SLC1A1: variants seen among roughly 807,000 people sequenced by gnomAD.
SLC1A1 encodes the protein excitatory amino acid transporter 3.
A neutral mutation model predicts 53.3 loss-of-function variants in SLC1A1; 43 were observed. That is an observed-to-expected ratio of 0.81 (90% CI 0.63 to 1.04). SLC1A1 has a LOEUF of 1.04. Among genes scored for constraint, SLC1A1 ranks in the 50% least tolerant of loss-of-function variants. The pLI is 0.00. For synonymous variants in SLC1A1, 307 were observed against 243.2 expected (o/e 1.26, Z -2.44); for missense variants, 748 against 664.9 (o/e 1.12, Z -1.37).
chr9:4,523,427 G>A (rs1214243617), intron 1 of SLC1A1, among the ~76,000 whole-genome samples: 1 of 151,626 alleles, frequency 6.6e-6, no homozygotes, highest in Non-Finnish European at 1.5e-5. Flanking sequence ...ATATCAAGTG[G>A]TATAAATATT....
Position 4,544,640 on chromosome 9 carries a change from T to G in SLC1A1, c.165T>G (p.Pro55=). The G allele has an allele frequency of 6.2e-7, 1 of 1,613,654 alleles. No individual in the cohort carries two copies. Residue 55 remains proline (P), a synonymous_variant, in exon 2 of 12, where the codon CCT becomes CCG. Coordinates refer to ENST00000262352, the MANE Select transcript of SLC1A1 (RefSeq NM_004170.6). ...TAGAGAAATTCTACTTTGCTTTTCC[T>G]GGAGAAATTCTAATGCGGATGCTGA... ...STLEKFYFAF[P]GEILMRMLKL... is the part of the protein sequence containing the mutation.
At chr9:4,500,500 G>A (rs946829713) in intron 1 of SLC1A1, among the ~76,000 whole-genome samples, 5 of 152,092 alleles carry the variant, frequency 3.3e-5, no homozygotes, top group African/African-American at 1.2e-4. Context: ...TAGTAGAGAC[G>A]GGGTTTCACC....
intron 1 of SLC1A1, among the ~76,000 whole-genome samples, chr9:4,529,942 C>T (rs138372664): frequency 6.6e-6 from 1 of 152,116 alleles, no homozygotes; most frequent in Non-Finnish European, 1.5e-5. Flanking sequence ...TTGAATGCTA[C>T]CAGGTGATAA....
intron 1 of SLC1A1, among the ~76,000 whole-genome samples, chr9:4,511,767 G>C (rs1009033562): frequency 1.3e-5 from 2 of 152,094 alleles, no homozygotes; most frequent in African/African-American, 2.4e-5. Context: ...ATTTTGAAAA[G>C]AAAGAAACAA....
At position 4,557,974 on chromosome 9, in the gene SLC1A1, C is replaced by T. The variant is rs117625409; in HGVS notation, c.233-3475C>T. 2.4e-4 allele frequency among the ~76,000 whole-genome samples: 37 copies of T among 152,184 alleles called. No individual in the cohort carries two copies. The East Asian group carries it at 3.5e-3, about 14-fold the overall frequency. On this transcript the variant is annotated intron_variant, in intron 2 of 11. Coordinates refer to ENST00000262352, the MANE Select transcript of SLC1A1 (RefSeq NM_004170.6). ...TCTGTAAAATGGGGGTAATAATGCC[C>T]GCCTCCTTGGGTTGTAATGAGAATT...
chr9:4,544,781 T>A, intron 2 of SLC1A1, 74 bp downstream of exon 2: 1 of 1,247,146 alleles, frequency 8.0e-7, no homozygotes, highest in Non-Finnish European at 1.2e-6. Context: ...TGAGACTAGG[T>A]AATTTATAAA....
At chr9:4,518,805 AAAG>A (rs1440997295) in intron 1 of SLC1A1, among the ~76,000 whole-genome samples, 11 of 152,324 alleles carry the variant, frequency 7.2e-5, no homozygotes, top group South Asian at 4.1e-4. Context: ...GGGAAGGAAG[AAAG>A]AAGAAGAATT....
rs538924023 is a variant in SLC1A1 at position 4,556,654 on chromosome 9, G to A, written c.233-4795G>A. Reference sequence around the variant, plus strand: ...GTTGGGCCTGATCTTCGACGTCAACGCCAGTTAAGAGTCTAATGCCTGGAT... The same window carrying A: ...GTTGGGCCTGATCTTCGACGTCAACACCAGTTAAGAGTCTAATGCCTGGAT... On this transcript the variant is annotated intron_variant, in intron 2 of 11. Transcript: ENST00000262352. This position sits in a 1 kb window ranked among gnomAD's most constrained non-coding sequence, Gnocchi z 4.1. Among the ~76,000 whole-genome samples the A allele has an allele frequency of 2.6e-5, 4 of 152,250 alleles. No homozygotes were observed. The highest frequency in any genetic ancestry group is 2.1e-4 in the South Asian group (1 of 4,820).
chr9:4,502,389 GAA>G (rs775499017), intron 1 of SLC1A1, among the ~76,000 whole-genome samples: 1 of 56,490 alleles, frequency 1.8e-5, no homozygotes, highest in Admixed American at 3.1e-4. Context: ...CCTGTCTCCA[GAA>G]AAAAAAAAAA....
intron 1 of SLC1A1, among the ~76,000 whole-genome samples, chr9:4,507,607 A>G (rs936578567): frequency 2.0e-5 from 3 of 152,326 alleles, no homozygotes; most frequent in African/African-American, 7.2e-5. Context: ...GTCAGGCAGC[A>G]TGGTTGGGAG....
At chr9:4,498,733 G>T (rs1820527961) in intron 1 of SLC1A1, among the ~76,000 whole-genome samples, 1 of 116,696 alleles carries the variant, frequency 8.6e-6, no homozygotes, top group African/African-American at 2.6e-5. Flanking sequence ...AAAATAATGA[G>T]CACTACTAAT....
At chr9:4,522,201 A>G (rs568052760) in intron 1 of SLC1A1, among the ~76,000 whole-genome samples, 4 of 151,304 alleles carry the variant, frequency 2.6e-5, no homozygotes, top group East Asian at 3.9e-4. Context: ...ACAGGCGCCC[A>G]CCACCACGCC....
At chr9:4,505,003 G>A (rs1025448516) in intron 1 of SLC1A1, among the ~76,000 whole-genome samples, 1 of 149,812 alleles carries the variant, frequency 6.7e-6, no homozygotes, top group Non-Finnish European at 1.5e-5. Flanking sequence ...ATTAGGTGGA[G>A]TTTCGTGTGT....
At position 4,583,359 on chromosome 9, in the gene SLC1A1, G is replaced by C. The variant is rs1359310813; in HGVS notation, c.1328+187G>C. ...AATTAACTCCTCATAACGTGGAGCA[G>C]TGATTTTAAAAAGCCGGTGAGCTCC... On this transcript the variant is annotated intron_variant, in intron 11 of 11. Coordinates refer to ENST00000262352, the MANE Select transcript of SLC1A1 (RefSeq NM_004170.6). The surrounding 1 kb of genome is among the most constrained non-coding windows in gnomAD (Gnocchi z 4.6). Among the ~76,000 whole-genome samples, 2 of 152,186 alleles carry C rather than the reference G, an allele frequency of 1.3e-5. No individual in the cohort carries two copies. The highest frequency in any genetic ancestry group is 1.3e-4 in the Admixed American group (2 of 15,278).
rs566166514 is a variant in SLC1A1 at position 4,572,062 on chromosome 9, T to C, written c.583-142T>C. 235 of 709,090 alleles carry C rather than the reference T, an allele frequency of 3.3e-4. 3 individuals carry two copies. In the Admixed American group the frequency reaches 5.1e-3, roughly 16 times the overall value. The allele number at this position is 709,090 out of a possible 1,614,324, so 43.9% of individuals were successfully genotyped here. A position where few individuals can be genotyped will look rare whatever the true frequency, so the allele number is the denominator to read the frequency against. ...ATAGGTGTTTTTATTATTGTTTTTA[T>C]ATTTTCTATAGTTTTGTTGACTCTG... On this transcript the variant is annotated intron_variant, in intron 6 of 11. Transcript: ENST00000262352.
rs377719936 is a variant in SLC1A1 at position 4,556,812 on chromosome 9, T to TA, written c.233-4630dup. ...GGGAGAAAATCTTACTCTTTTTATGTAAAAAAACACATGTATCATTTACTA... is the reference window on the plus strand; with the variant it reads ...GGGAGAAAATCTTACTCTTTTTATGTAAAAAAAACACATGTATCATTTACTA... On this transcript the variant is annotated intron_variant, in intron 2 of 11. Transcript: ENST00000262352. The surrounding 1 kb of genome is among the most constrained non-coding windows in gnomAD (Gnocchi z 4.1). Among the ~76,000 whole-genome samples, 9 of 152,158 alleles carry TA rather than the reference T, an allele frequency of 5.9e-5. No individual in the cohort carries two copies. Among genetic ancestry groups the TA allele is most frequent in the Middle Eastern group, 6.8e-3 (2 of 294 alleles).
chr9:4,576,733 A>T lies in SLC1A1; in HGVS notation c.1163A>T (p.Asp388Val). ...TTTATTGCACAGTTGAATGACCTGG[A>T]CTTGGGCATTGGGCAGATCATCACC... Reference protein sequence around the residue: ...AVFIAQLNDLDLGIGQIITIS... With the variant: ...AVFIAQLNDLVLGIGQIITIS... Residue 388 changes from aspartate (D) to valine (V), a missense_variant, in exon 10 of 12, where the codon GAC (aspartate) becomes GTC (valine). Coordinates refer to ENST00000262352, the MANE Select transcript of SLC1A1 (RefSeq NM_004170.6). The T allele has an allele frequency of 1.2e-6, 2 of 1,614,136 alleles. No individual in the cohort carries two copies. The highest frequency in any genetic ancestry group is 1.7e-6 in the Non-Finnish European group (2 of 1,180,018).
intron 1 of SLC1A1, among the ~76,000 whole-genome samples, chr9:4,513,270 A>C (rs918803322): frequency 5.3e-5 from 8 of 152,354 alleles, no homozygotes; most frequent in African/African-American, 1.7e-4. Flanking sequence ...AACAAGCTAC[A>C]GACTGGGAGA....
At chr9:4,504,264 G>A (rs142658993) in intron 1 of SLC1A1, among the ~76,000 whole-genome samples, 209 of 152,188 alleles carry the variant, frequency 1.4e-3, no homozygotes, top group African/African-American at 4.7e-3. Flanking sequence ...TTTCAGCTAC[G>A]GTATTTAGCA....
Sources: allele counts gnomAD v4.1 joint callset (sites outside exome capture counted in the v4.1 genomes callset), GRCh38; gene constraint gnomAD v4.1.1; non-coding constraint Gnocchi (gnomAD v3.1); transcripts MANE v1.5; gene names NCBI Gene and HGNC (gene_info 2026-07-23, HGNC 2026-07-21).